The following BIRC6 variants were observed in gnomAD, a reference collection of about 807,000 sequenced individuals.
BIRC6 encodes baculoviral IAP repeat containing 6, also known as dual E2 ubiquitin-conjugating enzyme/E3 ubiquitin-protein ligase BIRC6.
A neutral mutation model predicts 503.3 loss-of-function variants in BIRC6; 98 were observed. The observed-to-expected ratio is 0.19, with a 90% CI of 0.17 to 0.23. The LOEUF (loss-of-function observed/expected upper bound fraction) is 0.23. BIRC6 is among the 10% of genes least tolerant of loss of function. The probability of loss-of-function intolerance (pLI) is 1.00; values close to 1 mark genes in which losing one functional copy is unlikely to be tolerated. For missense variants in BIRC6, 5,360 were observed against 5,806.0 expected (o/e 0.92, Z 2.50); for synonymous variants, 2,240 against 2,078.7 (o/e 1.08, Z -2.11).
chr2:32,370,443 C>G (rs573881237), intron 1 of BIRC6, among the ~76,000 whole-genome samples: 31 of 152,214 alleles, frequency 2.0e-4, no homozygotes, highest in African/African-American at 7.5e-4. Context: ...GGTTCTCTTG[C>G]CTGAAACAAC....
At chr2:32,448,670 G>A in intron 21 of BIRC6, 125 bp from the exon 22 acceptor site, 4 of 697,336 alleles carry the variant, frequency 5.7e-6, no homozygotes, top group Non-Finnish European at 9.3e-6. Flanking sequence ...GGAGAGGGGA[G>A]AGGGGAGAGG....
Position 32,442,377 on chromosome 2 carries a change from A to G in BIRC6, c.4160A>G (p.Asp1387Gly), listed in dbSNP as rs770910769. The change falls in exon 19 of 74, where the codon GAC becomes GGC. Residue 1387 changes from aspartate to glycine, a missense_variant. Transcript: ENST00000421745. ...TCAAAAACACGAAAATTTCTGTCAGACATCGTACGTGTTTGCTTCTTTGAG... is the reference window on the plus strand; with the variant it reads ...TCAAAAACACGAAAATTTCTGTCAGGCATCGTACGTGTTTGCTTCTTTGAG... ...LLSKTRKFLS[D>G]IVRVCFFEAG... 4 of 1,612,066 alleles carry G rather than the reference A, an allele frequency of 2.5e-6. No homozygotes were observed. The highest frequency in any genetic ancestry group is 3.4e-5 in the Admixed American group (2 of 59,662).
intron 64 of BIRC6, among the ~76,000 whole-genome samples, chr2:32,548,359 TGC>T: frequency 6.8e-6 from 1 of 148,114 alleles, no homozygotes; most frequent in Non-Finnish European, 1.5e-5. Flanking sequence ...GCATTTTGGT[TGC>T]TTACTTTTTT....
chr2:32,480,930 A>G (rs1241227530), intron 37 of BIRC6, among the ~76,000 whole-genome samples: 2 of 152,080 alleles, frequency 1.3e-5, no homozygotes, highest in East Asian at 1.9e-4. Flanking sequence ...GGGAGCCACC[A>G]TGCCTGGCCG....
At chr2:32,427,037 GT>G (rs2043583572) in intron 10 of BIRC6, among the ~76,000 whole-genome samples, 1 of 151,996 alleles carries the variant, frequency 6.6e-6, no homozygotes, top group African/African-American at 2.4e-5. Flanking sequence ...TTATCTTGCT[GT>G]CTTCATGATG....
intron 3 of BIRC6, 30 bp downstream of exon 3, chr2:32,380,320 G>T (rs781505773): frequency 6.4e-7 from 1 of 1,564,548 alleles, no homozygotes; most frequent in Non-Finnish European, 8.6e-7. Flanking sequence ...CCTCTTTTGG[G>T]GTTATATTAC....
At chr2:32,575,721 C>T (rs1318896858) in intron 66 of BIRC6, among the ~76,000 whole-genome samples, 6 of 151,640 alleles carry the variant, frequency 4.0e-5, no homozygotes, top group Middle Eastern at 6.8e-3. Context: ...GCCGAGATCA[C>T]GCCACTGCAC....
chr2:32,402,802 C>A (rs2040742739), intron 8 of BIRC6, among the ~76,000 whole-genome samples: 1 of 152,092 alleles, frequency 6.6e-6, no homozygotes, highest in Non-Finnish European at 1.5e-5. Context: ...TTTATATGTC[C>A]TTCTAGGCAC....
chr2:32,576,908 T>A (rs1238259743), intron 66 of BIRC6, among the ~76,000 whole-genome samples: 1 of 152,172 alleles, frequency 6.6e-6, no homozygotes, highest in Non-Finnish European at 1.5e-5. Context: ...TGTAGACTCA[T>A]ACAACTCTGT....
chr2:32,438,095 A>G (rs2044943275), intron 15 of BIRC6, among the ~76,000 whole-genome samples: 1 of 152,202 alleles, frequency 6.6e-6, no homozygotes, highest in East Asian at 1.9e-4. Flanking sequence ...TCTGGTCAAA[A>G]ATACTGATTT....
At chr2:32,601,255 G>A (rs926550421) in intron 70 of BIRC6, among the ~76,000 whole-genome samples, 1 of 152,250 alleles carries the variant, frequency 6.6e-6, no homozygotes, top group African/African-American at 2.4e-5. Context: ...AGCATTGAAA[G>A]AGTAGTAAGG....
intron 65 of BIRC6, among the ~76,000 whole-genome samples, chr2:32,561,723 G>GTA (rs553047711): frequency 0.059 from 8,553 of 145,438 alleles, 485 homozygotes; most frequent in African/African-American, 0.15. Context: ...CTTTAATCAT[G>GTA]TATATATATA....
intron 3 of BIRC6, among the ~76,000 whole-genome samples, chr2:32,383,185 T>A (rs1253722601): frequency 6.6e-6 from 1 of 151,832 alleles, no homozygotes. Flanking sequence ...TAGCTGCGAT[T>A]ACAGGCGCGT....
At chr2:32,549,529 T>C in intron 65 of BIRC6, 48 bp downstream of exon 65, 1 of 1,290,422 alleles carries the variant, frequency 7.7e-7, no homozygotes, top group South Asian at 2.7e-5. Flanking sequence ...TTTTGTTTGC[T>C]TATTTTATCA....
At chr2:32,435,850 G>T (rs927280014) in intron 14 of BIRC6, among the ~76,000 whole-genome samples, 15 of 152,132 alleles carry the variant, frequency 9.9e-5, no homozygotes, top group Non-Finnish European at 5.9e-5. Flanking sequence ...AAATAAAGGT[G>T]AACTGTAAAA....
intron 39 of BIRC6, among the ~76,000 whole-genome samples, chr2:32,482,893 C>G (rs1170651210): frequency 2.6e-5 from 4 of 151,032 alleles, no homozygotes; most frequent in Admixed American, 6.6e-5. Flanking sequence ...GAGAATGAAA[C>G]TACATTAAAT....
At chr2:32,567,926 C>A (rs1275876388) in intron 65 of BIRC6, among the ~76,000 whole-genome samples, 2 of 152,090 alleles carry the variant, frequency 1.3e-5, no homozygotes, top group Admixed American at 1.3e-4. Context: ...ACAGTGAAAA[C>A]CCTTCTCTAC....
At chr2:32,553,054 A>G (rs2058533387) in intron 65 of BIRC6, among the ~76,000 whole-genome samples, 1 of 149,692 alleles carries the variant, frequency 6.7e-6, no homozygotes, top group Admixed American at 6.6e-5. Context: ...AAAATTAGCC[A>G]GATGTGGTGG....
chr2:32,402,802 CT>C (rs1484335922), intron 8 of BIRC6, among the ~76,000 whole-genome samples: 4 of 152,092 alleles, frequency 2.6e-5, no homozygotes, highest in African/African-American at 7.2e-5. Context: ...TTTATATGTC[CT>C]TCTAGGCACT....
Sources: gnomAD v4.1 joint callset for allele counts (sites outside exome capture counted in the v4.1 genomes callset) on GRCh38, gnomAD v4.1.1 for gene constraint, MANE v1.5 for transcripts, NCBI Gene and HGNC (gene_info 2026-07-23, HGNC 2026-07-21) for gene names.